Variants in ZCCHC17 observed in about 807,000 individuals in gnomAD.
ZCCHC17 encodes zinc finger CCHC domain-containing protein 17.
ZCCHC17 carries 18 observed loss-of-function variants against 30.6 expected under a neutral mutation model. That is an observed-to-expected ratio of 0.59 (90% CI 0.41 to 0.87). ZCCHC17 has a LOEUF of 0.87. ZCCHC17 is among the 40% of genes least tolerant of loss of function. The pLI is 0.00. For synonymous variants in ZCCHC17, 88 were observed against 92.4 expected (o/e 0.95, Z 0.27); for missense variants, 263 against 284.2 (o/e 0.93, Z 0.54).
intron 7 of ZCCHC17, among the ~76,000 whole-genome samples, chr1:31,350,461 G>A (rs536080214): frequency 2.0e-4 from 30 of 151,986 alleles, no homozygotes; most frequent in African/African-American, 6.8e-4. Context: ...TCCCTCCTGA[G>A]ACTTTAGCTG....
intron 7 of ZCCHC17, among the ~76,000 whole-genome samples, chr1:31,362,494 G>A (rs1362980820): frequency 6.6e-6 from 1 of 152,166 alleles, no homozygotes; most frequent in Non-Finnish European, 1.5e-5. Context: ...TCTGCCTCTC[G>A]TCTTTTGTAT....
chr1:31,335,785 TTTACTATCCTTTCACCACATTGAA>T (rs1356774873), intron 3 of ZCCHC17, among the ~76,000 whole-genome samples: 1 of 152,242 alleles, frequency 6.6e-6, no homozygotes, highest in Non-Finnish European at 1.5e-5. Context: ...TAGTTCTTAT[TTTACTATCCTTTCACCACATTGAA>T]TATTATTTTC....
intron 5 of ZCCHC17, among the ~76,000 whole-genome samples, chr1:31,344,199 C>T (rs1372046699): frequency 1.3e-5 from 2 of 151,940 alleles, no homozygotes; most frequent in Non-Finnish European, 2.9e-5. Flanking sequence ...CTGTGTTGCC[C>T]AGGCTGATCT....
intron 7 of ZCCHC17, among the ~76,000 whole-genome samples, chr1:31,357,483 A>C (rs1416684455): frequency 6.6e-6 from 1 of 152,162 alleles, no homozygotes; most frequent in Non-Finnish European, 1.5e-5. Flanking sequence ...TAGAGCTTCT[A>C]CTGTGTGCTA....
At chr1:31,301,381 G>A (rs989608038) in intron 1 of ZCCHC17, among the ~76,000 whole-genome samples, 2 of 152,154 alleles carry the variant, frequency 1.3e-5, no homozygotes, top group African/African-American at 2.4e-5. Context: ...TCTTGAGCGA[G>A]TTTACTTAGC....
At chr1:31,319,283 C>T (rs995995375) in intron 3 of ZCCHC17, 117 bp downstream of exon 3, 2 of 862,744 alleles carry the variant, frequency 2.3e-6, no homozygotes, top group Non-Finnish European at 3.6e-6. Context: ...CCTTTGTTTT[C>T]TTTTTAATGT....
chr1:31,307,267 A>G (rs1005897767), intron 1 of ZCCHC17, among the ~76,000 whole-genome samples: 6 of 151,448 alleles, frequency 4.0e-5, no homozygotes, highest in African/African-American at 1.2e-4. Flanking sequence ...ACCTGGCCCC[A>G]GTTTCCTTCT....
chr1:31,316,214 G>T (rs1646728431), intron 2 of ZCCHC17, among the ~76,000 whole-genome samples: 1 of 152,268 alleles, frequency 6.6e-6, no homozygotes, highest in African/African-American at 2.4e-5. Flanking sequence ...CGATTTTCGT[G>T]CCTCAGCTAC....
At chr1:31,335,569 G>T (rs1000319491) in intron 3 of ZCCHC17, among the ~76,000 whole-genome samples, 4 of 152,028 alleles carry the variant, frequency 2.6e-5, no homozygotes, top group African/African-American at 9.7e-5. Flanking sequence ...CTAGAGATGG[G>T]GTCTCACTGT....
chr1:31,306,782 T>C (rs1646470290), intron 1 of ZCCHC17, among the ~76,000 whole-genome samples: 2 of 152,138 alleles, frequency 1.3e-5, no homozygotes, highest in South Asian at 4.1e-4. Flanking sequence ...ATCCTCTTGC[T>C]TCAGCCTCCC....
At chr1:31,320,692 A>G (rs928649356) in intron 3 of ZCCHC17, among the ~76,000 whole-genome samples, 26 of 152,032 alleles carry the variant, frequency 1.7e-4, no homozygotes, top group Non-Finnish European at 4.4e-5. Flanking sequence ...CCATCAGTTG[A>G]TGGATATTTG....
chr1:31,311,500 A>AT, intron 2 of ZCCHC17, among the ~76,000 whole-genome samples: 1 of 152,232 alleles, frequency 6.6e-6, no homozygotes. Flanking sequence ...TGGGTAATTT[A>AT]TAAAGAACAG....
At chr1:31,336,699 C>CT (rs1638831557) in intron 3 of ZCCHC17, among the ~76,000 whole-genome samples, 1 of 149,360 alleles carries the variant, frequency 6.7e-6, no homozygotes, top group Non-Finnish European at 1.5e-5. Flanking sequence ...AGGTCTCACT[C>CT]TGTCACCTGG....
intron 3 of ZCCHC17, 169 bp from the exon 4 acceptor site, chr1:31,337,006 T>C (rs1018538478): frequency 5.5e-6 from 3 of 545,590 alleles, no homozygotes; most frequent in Non-Finnish European, 9.7e-6. Context: ...TGTTTGTTGG[T>C]TGATTGGGTA....
At chr1:31,360,458 C>T (rs1198570533) in intron 7 of ZCCHC17, among the ~76,000 whole-genome samples, 3 of 152,218 alleles carry the variant, frequency 2.0e-5, no homozygotes, top group African/African-American at 2.4e-5. Flanking sequence ...CGTGAGCCAC[C>T]GCAACCAGGC....
intron 7 of ZCCHC17, among the ~76,000 whole-genome samples, chr1:31,350,623 G>A (rs1639436106): frequency 6.6e-6 from 1 of 151,962 alleles, no homozygotes; most frequent in Admixed American, 6.6e-5. Flanking sequence ...TTTTTGAGAT[G>A]GAGTGTCATT....
At chr1:31,307,991 T>C (rs991209905) in intron 1 of ZCCHC17, among the ~76,000 whole-genome samples, 2 of 152,212 alleles carry the variant, frequency 1.3e-5, no homozygotes, top group African/African-American at 4.8e-5. Flanking sequence ...TTTCAAGTGT[T>C]GGAGGGATAA....
chr1:31,308,264 A>G (rs918460606), intron 1 of ZCCHC17, among the ~76,000 whole-genome samples: 25 of 152,236 alleles, frequency 1.6e-4, no homozygotes, highest in Admixed American at 3.3e-4. Flanking sequence ...TAAGCAGAAA[A>G]GGGCAAGTTT....
intron 7 of ZCCHC17, among the ~76,000 whole-genome samples, chr1:31,350,222 G>A (rs1186981764): frequency 2.6e-5 from 4 of 152,052 alleles, no homozygotes; most frequent in Admixed American, 6.6e-5. Flanking sequence ...CTTTTGTTTC[G>A]TTTTTAAATC....
Sources: allele counts gnomAD v4.1 joint callset (sites outside exome capture counted in the v4.1 genomes callset), GRCh38; gene constraint gnomAD v4.1.1; transcripts MANE v1.5; gene names NCBI Gene and HGNC (gene_info 2026-07-23, HGNC 2026-07-21).